MCM6: variants seen among roughly 807,000 people sequenced by gnomAD.
MCM6 encodes the protein minichromosome maintenance complex component 6, also known as DNA replication licensing factor MCM6.
MCM6 carries 46 observed loss-of-function variants against 94.3 expected under a neutral mutation model. The observed-to-expected ratio is 0.49, with a 90% confidence interval of 0.39 to 0.62. MCM6 has a LOEUF of 0.62. Among genes scored for constraint, MCM6 ranks in the 20% least tolerant of loss-of-function variants. The pLI is 0.00. For missense variants in MCM6, 865 were observed against 1,017.9 expected, an observed-to-expected ratio of 0.85 and a Z score of 2.04; for synonymous variants, 335 against 351.9, an observed-to-expected ratio of 0.95 and a Z score of 0.54.
At chr2:135,866,932 C>T (rs1396362751) in intron 4 of MCM6, among the ~76,000 whole-genome samples, 2 of 151,924 alleles carry the variant, frequency 1.3e-5, no homozygotes, top group Non-Finnish European at 2.9e-5. Flanking sequence ...CAAGAGATTA[C>T]ATCTATTTAA....
At position 135,869,084 on chromosome 2, in the gene MCM6, G is replaced by A. The variant is rs547113290; in HGVS notation, c.366-224C>T. Among the ~76,000 whole-genome samples, 7 of 152,138 alleles carry A rather than the reference G, an allele frequency of 4.6e-5. No homozygotes were observed. The South Asian group carries it at 1.5e-3, about 32-fold the overall frequency. ...AAAATATATAAATGAACTAAAGGAT[G>A]CCAAAAAAATGAAAATTAAAATTAT... On this transcript the variant is annotated intron_variant, in intron 3 of 16. Transcript: ENST00000264156.
chr2:135,873,463 G>A (rs914361964), intron 1 of MCM6, among the ~76,000 whole-genome samples: 2 of 152,078 alleles, frequency 1.3e-5, no homozygotes, highest in Admixed American at 1.3e-4. Flanking sequence ...CAAGACTTCG[G>A]GAAAATTGAA....
chr2:135,855,905 A>G (rs549437736), intron 11 of MCM6, among the ~76,000 whole-genome samples: 2 of 152,320 alleles, frequency 1.3e-5, no homozygotes, highest in African/African-American at 4.8e-5. Flanking sequence ...CATAACTCTA[A>G]TAATTAAACT....
rs185135381 is a variant in MCM6 at position 135,873,128 on chromosome 2, G to A, written c.108-285C>T. ...GCTGTTCTCTGATAGTAAGTCTCAC[G>A]AGATCTGATGGTTTTAAAAAGAGGA... On this transcript the variant is annotated intron_variant, in intron 1 of 16. Coordinates refer to ENST00000264156, the MANE Select transcript of MCM6 (RefSeq NM_005915.6). Among the ~76,000 whole-genome samples, 439 of 152,250 alleles carry A rather than the reference G, an allele frequency of 2.9e-3. 3 individuals are homozygous for A. Among genetic ancestry groups the A allele is most frequent in the South Asian group, 0.02 (95 of 4,822 alleles).
At chr2:135,875,136 CG>C (rs929831367) in intron 1 of MCM6, among the ~76,000 whole-genome samples, 1 of 152,088 alleles carries the variant, frequency 6.6e-6, no homozygotes, top group East Asian at 1.9e-4. Context: ...GAAGCCCAGG[CG>C]GGGGGATCAC....
chr2:135,869,147 A>C (rs1680155301), intron 3 of MCM6, among the ~76,000 whole-genome samples: 1 of 152,208 alleles, frequency 6.6e-6, no homozygotes, highest in African/African-American at 2.4e-5. Context: ...TCACACCTGT[A>C]ATCCCAGCAC....
At chr2:135,852,192 T>G (rs1679790862) in intron 12 of MCM6, among the ~76,000 whole-genome samples, 1 of 152,216 alleles carries the variant, frequency 6.6e-6, no homozygotes. Context: ...GTGAAGATGA[T>G]AAATGATCAA....
chr2:135,856,034 T>TA (rs1439296354), intron 11 of MCM6, among the ~76,000 whole-genome samples: 1 of 151,232 alleles, frequency 6.6e-6, no homozygotes, highest in Non-Finnish European at 1.5e-5. Context: ...GACTCATGAT[T>TA]AAAAAAAAGA....
In MCM6 at chr2:135,866,091, G is replaced by C. The variant is rs371658826; in HGVS notation, c.927+41C>G. 1.7e-5 allele frequency: 27 copies of C among 1,609,686 alleles called. No individual in the cohort carries two copies. In the African/African-American group the frequency reaches 2.8e-4, roughly 17 times the overall value. On this transcript the variant is annotated intron_variant, in intron 6 of 16. Transcript: ENST00000264156. The stretch of plus-strand genomic sequence containing the variant: ...CACTCCAGCCTGGGTGACAGAGAGA[G>C]ACTGTTTCAAAAACAAACAAAAACC...
chr2:135,859,679 T>C (rs1162069807), intron 8 of MCM6, among the ~76,000 whole-genome samples: 1 of 151,908 alleles, frequency 6.6e-6, no homozygotes, highest in Non-Finnish European at 1.5e-5. Context: ...CTCAGCTCAC[T>C]GCAACCTCCA....
chr2:135,853,055 G>T, intron 11 of MCM6, 140 bp from the exon 12 acceptor site: 1 of 667,054 alleles, frequency 1.5e-6, no homozygotes, highest in Non-Finnish European at 2.4e-6. Context: ...CCAAGTTTCT[G>T]ATGAAAGTTT....
intron 8 of MCM6, among the ~76,000 whole-genome samples, chr2:135,861,250 A>G (rs1267923335): frequency 6.6e-6 from 1 of 152,182 alleles, no homozygotes; most frequent in Non-Finnish European, 1.5e-5. Context: ...TGAAGTACAC[A>G]TGTTTTGCAG....
intron 16 of MCM6, among the ~76,000 whole-genome samples, chr2:135,842,870 G>A (rs1679599997): frequency 6.6e-6 from 1 of 152,130 alleles, no homozygotes; most frequent in African/African-American, 2.4e-5. Flanking sequence ...CTGTATAATA[G>A]TTCTGCAGGC....
At chr2:135,874,723 T>C (rs1680264958) in intron 1 of MCM6, among the ~76,000 whole-genome samples, 2 of 152,136 alleles carry the variant, frequency 1.3e-5, no homozygotes, top group South Asian at 4.1e-4. Flanking sequence ...AGGGATGCAA[T>C]TGGTTAAGTA....
chr2:135,841,974 G>A (rs1203096116), intron 16 of MCM6, among the ~76,000 whole-genome samples: 2 of 151,908 alleles, frequency 1.3e-5, no homozygotes, highest in Non-Finnish European at 2.9e-5. Context: ...GAGTGGTGGC[G>A]GGCACCTGTA....
In MCM6 at chr2:135,856,748, G is replaced by A; in HGVS notation, c.1606C>T (p.Leu536Phe). The change falls in exon 11 of 17, where the codon CTT becomes TTT. Residue 536 changes from leucine to phenylalanine, a missense_variant. Transcript: ENST00000264156. ...IMSRFDLFFI[L>F]VDECNEVTDY... ...GTTACCTCATTACATTCATCCACAA[G>A]GATAAAGAAGAGATCGAATCGGGAC... 6.2e-7 allele frequency: 1 copy of A among 1,613,966 alleles called. No homozygotes were observed. Among genetic ancestry groups the A allele is most frequent in the South Asian group, 1.1e-5 (1 of 91,034 alleles).
intron 1 of MCM6, among the ~76,000 whole-genome samples, chr2:135,874,534 G>A (rs1001415978): frequency 6.6e-5 from 10 of 152,162 alleles, no homozygotes; most frequent in Admixed American, 5.2e-4. Flanking sequence ...AAGGTGGAAT[G>A]AACCTCATTA....
chr2:135,853,778 T>C (rs1364276343), intron 11 of MCM6, among the ~76,000 whole-genome samples: 1 of 150,890 alleles, frequency 6.6e-6, no homozygotes, highest in Non-Finnish European at 1.5e-5. Context: ...TCTCAAATGG[T>C]TCAGGAAAAA....
At chr2:135,855,229 T>A (rs1049378299) in intron 11 of MCM6, among the ~76,000 whole-genome samples, 1 of 152,230 alleles carries the variant, frequency 6.6e-6, no homozygotes, top group Non-Finnish European at 1.5e-5. Context: ...ATTGATCTTT[T>A]AAAGGTTTAT....
Sources: gnomAD v4.1 joint callset for allele counts (sites outside exome capture counted in the v4.1 genomes callset) on GRCh38, gnomAD v4.1.1 for gene constraint, MANE v1.5 for transcripts, NCBI Gene and HGNC (gene_info 2026-07-23, HGNC 2026-07-21) for gene names.